MYBL2: variants seen among roughly 807,000 people sequenced by gnomAD.
MYBL2 encodes myb-related protein B.
MYBL2 carries 28 observed loss-of-function variants against 79.9 expected under a neutral mutation model. The ratio of observed to expected loss-of-function variants is 0.35; its 90% CI spans 0.26 to 0.48. The LOEUF is 0.48. MYBL2 is among the 20% of genes least tolerant of loss of function. The pLI is 0.99. For missense variants in MYBL2, 735 were observed against 893.9 expected (o/e 0.82, Z 2.27); for synonymous variants, 378 against 361.2 (o/e 1.05, Z -0.53).
In MYBL2 at chr20:43,710,066, C is replaced by T. The variant is rs770229365; in HGVS notation, c.1605+4C>T. ...GTACGGACCCCTGAAGCCCCTGGTACGTGGTGTGGTCGCTGCCGTGGATCT... is the reference window on the plus strand; with the variant it reads ...GTACGGACCCCTGAAGCCCCTGGTATGTGGTGTGGTCGCTGCCGTGGATCT... On this transcript the variant is annotated splice_donor_region_variant and intron_variant, in intron 10 of 13. Transcript: ENST00000217026. The T allele has an allele frequency of 8.1e-6, 13 of 1,596,542 alleles. No homozygotes were observed. In the East Asian group the frequency reaches 1.1e-4, roughly 14 times the overall value.
At chr20:43,687,169 C>T in intron 5 of MYBL2, 97 bp downstream of exon 5, 1 of 1,289,408 alleles carries the variant, frequency 7.8e-7, no homozygotes, top group Non-Finnish European at 1.1e-6. Flanking sequence ...TGGTCCTGTG[C>T]TCTTGTTCTG....
intron 2 of MYBL2, among the ~76,000 whole-genome samples, chr20:43,680,945 C>T (rs3091246): frequency 0.81 from 123,200 of 152,112 alleles, 50,552 homozygotes; most frequent in Non-Finnish European, 0.88. Context: ...CCCCCCTTTG[C>T]TGTTCATCCC....
At chr20:43,673,966 T>G (rs1600541295) in intron 2 of MYBL2, 67 bp downstream of exon 2, 1 of 1,337,014 alleles carries the variant, frequency 7.5e-7, no homozygotes, top group Non-Finnish European at 1.0e-6. Flanking sequence ...GAGCCTGGAG[T>G]GTATTTGATG....
chr20:43,686,461 T>A (rs1003183779), intron 4 of MYBL2, among the ~76,000 whole-genome samples: 1 of 152,194 alleles, frequency 6.6e-6, no homozygotes, highest in Non-Finnish European at 1.5e-5. Flanking sequence ...GTTTCCCACC[T>A]TTAGTTTGGA....
chr20:43,714,067 G>GA (rs969341568), intron 12 of MYBL2, among the ~76,000 whole-genome samples: 1 of 152,126 alleles, frequency 6.6e-6, no homozygotes, highest in Non-Finnish European at 1.5e-5. Flanking sequence ...TTACTGCAAA[G>GA]AAAAAAACAT....
At position 43,667,191 on chromosome 20, in the gene MYBL2, C is replaced by A. The variant is rs1986733256; in HGVS notation, c.-93C>A. 1 of 902,014 alleles carries A rather than the reference C, an allele frequency of 1.1e-6. No individual in the cohort carries two copies. Among genetic ancestry groups the A allele is most frequent in the Non-Finnish European group, 1.4e-6 (1 of 709,962 alleles). The allele number at this position is 902,014 out of a possible 1,614,324, so 55.9% of individuals were successfully genotyped here. On this transcript the variant is annotated 5_prime_UTR_variant, in exon 1 of 14. Coordinates refer to ENST00000217026, the MANE Select transcript of MYBL2 (RefSeq NM_002466.4). The stretch of plus-strand genomic sequence containing the variant: ...TTCGAGCGCGGCCCGGGGCCCGGAG[C>A]GGCCGGAGCAGCCCGGGTCCTGACC...
chr20:43,689,118 C>T (rs57288296), intron 5 of MYBL2, among the ~76,000 whole-genome samples: 2,077 of 152,240 alleles, frequency 0.014, 46 homozygotes, highest in African/African-American at 0.048. Context: ...CCCCTGTTTT[C>T]CATCTTATGA....
chr20:43,694,615 G>T (rs1987490143), intron 6 of MYBL2, among the ~76,000 whole-genome samples: 1 of 152,172 alleles, frequency 6.6e-6, no homozygotes, highest in East Asian at 1.9e-4. Flanking sequence ...CAATTTTAGA[G>T]AATATCTCTC....
chr20:43,713,261 T>C (rs953457997), intron 12 of MYBL2, among the ~76,000 whole-genome samples, 155 bp downstream of exon 12: 1 of 152,104 alleles, frequency 6.6e-6, no homozygotes, highest in Non-Finnish European at 1.5e-5. Context: ...ATGGCTTCAG[T>C]CAGCAGCTCT....
intron 2 of MYBL2, 39 bp from the exon 3 acceptor site, chr20:43,681,745 C>T (rs1374372099): frequency 3.2e-5 from 52 of 1,609,998 alleles, no homozygotes; most frequent in South Asian, 1.9e-4. Context: ...GTTTTCTGCA[C>T]GTATGTGTGC....
At chr20:43,677,393 T>C (rs1419939823) in intron 2 of MYBL2, among the ~76,000 whole-genome samples, 1 of 152,208 alleles carries the variant, frequency 6.6e-6, no homozygotes, top group Non-Finnish European at 1.5e-5. Flanking sequence ...GAGAGATTAC[T>C]GCTGCCTGAA....
At chr20:43,707,699 TAG>T (rs1987821858) in intron 9 of MYBL2, among the ~76,000 whole-genome samples, 1 of 152,200 alleles carries the variant, frequency 6.6e-6, no homozygotes, top group Non-Finnish European at 1.5e-5. Flanking sequence ...TATTCCTTTG[TAG>T]AGAGTCTCTT....
At position 43,667,282 on chromosome 20, in the gene MYBL2, G is replaced by T; in HGVS notation, c.-2G>T. 1.6e-6 allele frequency: 2 copies of T among 1,227,366 alleles called. No homozygotes were observed. The highest frequency in any genetic ancestry group is 2.0e-6 in the Non-Finnish European group (2 of 984,816). 76.0% of individuals were successfully genotyped at this position (1,227,366 alleles called of 1,614,324 possible). ...GAGCGCGGCGCGGTCCGGGCCGGGGGGATGTCTCGGCGGACGCGCTGGTGA... is the reference window on the plus strand; with the variant it reads ...GAGCGCGGCGCGGTCCGGGCCGGGGTGATGTCTCGGCGGACGCGCTGGTGA... On this transcript the variant is annotated 5_prime_UTR_variant, in exon 1 of 14. Transcript: ENST00000217026.
rs753277579 is a variant in MYBL2 at position 43,699,919 on chromosome 20, C to A, written c.826C>A (p.Arg276Ser). 1.2e-6 allele frequency: 2 copies of A among 1,613,964 alleles called. No individual in the cohort carries two copies. Among genetic ancestry groups the A allele is most frequent in the Admixed American group, 3.3e-5 (2 of 59,982 alleles). Reference protein sequence around the residue: ...TPEPLEEFPKREDQEGSPPET... With the variant: ...TPEPLEEFPKSEDQEGSPPET... ...AGAGCCCTTGGAGGAATTCCCGAAG[C>A]GTGAGGACCAGGAAGGCTCCCCACC... is the stretch of plus-strand genomic sequence containing the variant. The change falls in exon 7 of 14, where the codon CGT (arginine) becomes AGT (serine). Residue 276 changes from arginine (R) to serine (S), a missense_variant. This residue lies in a region of MYBL2 where 144 missense variants were observed against 131.9 expected (regional missense o/e 1.09). Coordinates refer to ENST00000217026, the MANE Select transcript of MYBL2 (RefSeq NM_002466.4).
intron 1 of MYBL2, among the ~76,000 whole-genome samples, chr20:43,670,959 T>G (rs1158588239): frequency 9.0e-5 from 3 of 33,474 alleles, no homozygotes; most frequent in Non-Finnish European, 1.8e-4. Flanking sequence ...TCCTATGATT[T>G]CTTTTTTTTC....
At chr20:43,702,451 G>A (rs1987692636) in intron 7 of MYBL2, 39 bp from the exon 8 acceptor site, 3 of 1,551,100 alleles carry the variant, frequency 1.9e-6, no homozygotes, top group Non-Finnish European at 2.6e-6. Context: ...TGTATTAAGA[G>A]CATAGTAATT....
At chr20:43,675,959 CA>C (rs1987000794) in intron 2 of MYBL2, among the ~76,000 whole-genome samples, 1 of 149,022 alleles carries the variant, frequency 6.7e-6, no homozygotes, top group Non-Finnish European at 1.5e-5. Context: ...GGCTGTAGTG[CA>C]GTGGTGTGAT....
intron 2 of MYBL2, among the ~76,000 whole-genome samples, chr20:43,680,456 G>A (rs1333945610): frequency 6.6e-6 from 1 of 152,186 alleles, no homozygotes; most frequent in Non-Finnish European, 1.5e-5. Context: ...TCTCTCGACT[G>A]AGTAATATCC....
chr20:43,683,109 T>C (rs545405530), intron 4 of MYBL2, among the ~76,000 whole-genome samples: 2 of 152,304 alleles, frequency 1.3e-5, no homozygotes, highest in East Asian at 1.9e-4. Flanking sequence ...TGAGGGCTAT[T>C]GGGCTGATTA....
Sources: allele counts gnomAD v4.1 joint callset (sites outside exome capture counted in the v4.1 genomes callset), GRCh38; gene constraint gnomAD v4.1.1; regional missense constraint gnomAD v4.1.1; transcripts MANE v1.5; gene names NCBI Gene and HGNC (gene_info 2026-07-23, HGNC 2026-07-21).